Variants in SHLD1 observed in about 807,000 individuals in gnomAD.
SHLD1 encodes the protein RINN1-REV7-interacting novel NHEJ regulator 3.
In SHLD1, 3 loss-of-function variants were observed where a neutral mutation model predicts 5.5. The ratio of observed to expected loss-of-function variants is 0.54; its 90% CI spans 0.25 to 1.40. The LOEUF (loss-of-function observed/expected upper bound fraction) is 1.40, where lower values mean the gene tolerates loss of function less well. SHLD1 is among the 40% of genes most tolerant of loss of function. The pLI is 0.15. For synonymous variants in SHLD1, 92 were observed against 94.3 expected, an observed-to-expected ratio of 0.98 and a Z score of 0.14; for missense variants, 210 against 244.4, an observed-to-expected ratio of 0.86 and a Z score of 0.94.
At position 5,803,585 on chromosome 20, in the gene SHLD1, C is replaced by T. The variant is rs371358735; in HGVS notation, c.178+30542C>T. Among the ~76,000 whole-genome samples the T allele has an allele frequency of 1.4e-4, 21 of 151,974 alleles. 2 individuals are homozygous for T. The highest frequency in any genetic ancestry group is 7.9e-4 in the Admixed American group (12 of 15,248). On this transcript the variant is annotated intron_variant, in intron 2 of 2. Coordinates refer to ENST00000303142, the MANE Select transcript of SHLD1 (RefSeq NM_152504.4). ...ATTAGATTTAACATTTAAAAAAAAA[C>T]AAGGGCCAGTCGCGGTGGCTCACAC...
rs1415570825 is a variant in SHLD1, at chr20:5,844,788, TATA to T, written c.179-18235_179-18233del. On this transcript the variant is annotated intron_variant, in intron 2 of 2. Coordinates refer to ENST00000303142, the MANE Select transcript of SHLD1 (RefSeq NM_152504.4). ...TAGTAGACATATATATATATATATA[TATA>T]TATATATATTTTTTTTTTTTTGAGA... Among the ~76,000 whole-genome samples, 303 of 106,712 alleles carry T rather than the reference TATA, an allele frequency of 2.8e-3. 4 individuals are homozygous for T. The highest frequency in any genetic ancestry group is 0.012 in the African/African-American group (264 of 21,444). 70.0% of individuals were successfully genotyped at this position (106,712 alleles called of 152,430 possible).
chr20:5,780,868 C>T (rs1034652535), intron 2 of SHLD1, among the ~76,000 whole-genome samples: 21 of 152,280 alleles, frequency 1.4e-4, no homozygotes, highest in African/African-American at 2.6e-4. Flanking sequence ...ACTGGATGGA[C>T]GCTTCTCTGT....
At chr20:5,784,701 C>T (rs1387720577) in intron 2 of SHLD1, among the ~76,000 whole-genome samples, 6 of 152,194 alleles carry the variant, frequency 3.9e-5, no homozygotes, top group East Asian at 3.8e-4. Context: ...CCGCCCGCCT[C>T]AGCCTCCCAA....
chr20:5,804,694 G>A (rs1390373613), intron 2 of SHLD1, among the ~76,000 whole-genome samples: 2 of 152,220 alleles, frequency 1.3e-5, no homozygotes, highest in Non-Finnish European at 2.9e-5. Flanking sequence ...GGACTGGCAT[G>A]GAAAGTTATG....
At chr20:5,822,294 C>T (rs1231582888) in intron 2 of SHLD1, among the ~76,000 whole-genome samples, 1 of 152,060 alleles carries the variant, frequency 6.6e-6, no homozygotes, top group Non-Finnish European at 1.5e-5. Flanking sequence ...CCCATCTCTA[C>T]TAAAAATACA....
chr20:5,773,059 T>G lies in SHLD1; in HGVS notation c.178+16T>G. 1 of 1,613,932 alleles carries G rather than the reference T, an allele frequency of 6.2e-7. No homozygotes were observed. Among genetic ancestry groups the G allele is most frequent in the Non-Finnish European group, 8.5e-7 (1 of 1,179,756 alleles). ...GTGGATCCAGGTAATAAGCAGAGTTTAAAACAAACTAACTTAAAAACAACT... is the reference window on the plus strand; with the variant it reads ...GTGGATCCAGGTAATAAGCAGAGTTGAAAACAAACTAACTTAAAAACAACT... On this transcript the variant is annotated intron_variant, in intron 2 of 2. Transcript: ENST00000303142.
intron 2 of SHLD1, among the ~76,000 whole-genome samples, chr20:5,862,617 T>A (rs1416704414): frequency 6.6e-6 from 1 of 152,194 alleles, no homozygotes; most frequent in African/African-American, 2.4e-5. Flanking sequence ...CTGTAACAGC[T>A]GAGATCTATT....
intron 2 of SHLD1, among the ~76,000 whole-genome samples, chr20:5,782,429 T>C (rs2087000274): frequency 6.6e-6 from 1 of 152,146 alleles, no homozygotes; most frequent in Admixed American, 6.5e-5. Context: ...TACTTTCTAA[T>C]ATAGGACAAG....
At chr20:5,773,200 A>T in intron 2 of SHLD1, 157 bp downstream of exon 2, 1 of 839,476 alleles carries the variant, frequency 1.2e-6, no homozygotes. Flanking sequence ...TTTCAGGAGG[A>T]ACTTCAAAGG....
At chr20:5,800,454 G>A (rs1437880074) in intron 2 of SHLD1, among the ~76,000 whole-genome samples, 2 of 152,188 alleles carry the variant, frequency 1.3e-5, no homozygotes, top group Non-Finnish European at 2.9e-5. Context: ...AGCACTTTGG[G>A]AGGCCAAGGT....
In SHLD1 at chr20:5,863,011, T is replaced by C. The variant is rs1209968354; in HGVS notation, c.179-13T>C. 1 of 1,558,124 alleles carries C rather than the reference T, an allele frequency of 6.4e-7. No individual in the cohort carries two copies. Among genetic ancestry groups the C allele is most frequent in the Non-Finnish European group, 8.7e-7 (1 of 1,154,696 alleles). Reference sequence around the variant, plus strand: ...TTGTGTGTTTGAGTATTGGAATACGTTTTGTCTTGCAGACACCAGTAACTT... The same window carrying C: ...TTGTGTGTTTGAGTATTGGAATACGCTTTGTCTTGCAGACACCAGTAACTT... On this transcript the variant is annotated splice_polypyrimidine_tract_variant and intron_variant, in intron 2 of 2. Transcript: ENST00000303142.
At chr20:5,817,951 C>A (rs1301114628) in intron 2 of SHLD1, among the ~76,000 whole-genome samples, 2 of 152,160 alleles carry the variant, frequency 1.3e-5, no homozygotes, top group African/African-American at 4.8e-5. Flanking sequence ...ACACTGGGGG[C>A]AATTGTAGGC....
chr20:5,776,352 C>G (rs1358195636), intron 2 of SHLD1, among the ~76,000 whole-genome samples: 1 of 152,184 alleles, frequency 6.6e-6, no homozygotes, highest in East Asian at 1.9e-4. Context: ...TGTCCCTGTT[C>G]TTGATTTGTA....
intron 2 of SHLD1, among the ~76,000 whole-genome samples, chr20:5,827,783 C>G (rs899324632): frequency 6.6e-6 from 1 of 152,210 alleles, no homozygotes; most frequent in African/African-American, 2.4e-5. Context: ...GCTTCCCTTA[C>G]GGCTGATTCG....
intron 2 of SHLD1, among the ~76,000 whole-genome samples, chr20:5,832,826 A>C (rs565677172): frequency 2.0e-5 from 3 of 151,620 alleles, no homozygotes; most frequent in African/African-American, 2.4e-5. Flanking sequence ...TAAATAAATA[A>C]ATAAATAAAT....
intron 2 of SHLD1, among the ~76,000 whole-genome samples, chr20:5,829,690 G>A (rs1177762876): frequency 6.6e-6 from 1 of 152,172 alleles, no homozygotes; most frequent in East Asian, 1.9e-4. Flanking sequence ...GCAATTCAAA[G>A]CTCAATACTG....
At chr20:5,794,497 ACTT>A (rs1188187904) in intron 2 of SHLD1, among the ~76,000 whole-genome samples, 1 of 152,206 alleles carries the variant, frequency 6.6e-6, no homozygotes, top group East Asian at 1.9e-4. Context: ...CTATAGAATT[ACTT>A]CTTAGCATTT....
chr20:5,781,881 T>G (rs996964159), intron 2 of SHLD1, among the ~76,000 whole-genome samples: 20 of 152,334 alleles, frequency 1.3e-4, no homozygotes, highest in African/African-American at 4.8e-4. Flanking sequence ...GTTCAAAATA[T>G]TTAATAACCA....
intron 1 of SHLD1, among the ~76,000 whole-genome samples, chr20:5,770,851 C>T (rs1231630869): frequency 1.3e-5 from 2 of 152,162 alleles, no homozygotes; most frequent in African/African-American, 4.8e-5. Context: ...GGTAAAAATA[C>T]AACCTCAGCA....
Sources: allele counts gnomAD v4.1 joint callset (sites outside exome capture counted in the v4.1 genomes callset), GRCh38; gene constraint gnomAD v4.1.1; transcripts MANE v1.5; gene names NCBI Gene and HGNC (gene_info 2026-07-23, HGNC 2026-07-21).